Variants in GAREM1 observed in about 807,000 individuals in gnomAD.
The protein encoded by GAREM1 is GRB2-associated and regulator of MAPK protein 1.
Under a neutral mutation model 71.3 loss-of-function variants are expected in GAREM1, and 26 were observed. That is an observed-to-expected ratio of 0.36 (90% CI 0.27 to 0.51). The LOEUF (loss-of-function observed/expected upper bound fraction) is 0.51. Ranked by LOEUF, GAREM1 falls within the 20% of genes least tolerant of loss-of-function variation. The pLI, the probability that GAREM1 is intolerant of heterozygous loss-of-function variation, is 0.95. For synonymous variants in GAREM1, 440 were observed against 433.2 expected (o/e 1.02, Z -0.20); for missense variants, 1,026 against 1,103.1 (o/e 0.93, Z 0.99).
chr18:32,412,418 A>C, intron 1 of GAREM1: 2 of 1,585,124 alleles, frequency 1.3e-6, no homozygotes, highest in Non-Finnish European at 1.7e-6. Flanking sequence ...CACCTCCAAA[A>C]TTGCTTCCAT....
At chr18:32,381,428 T>TA (rs1279772682) in intron 2 of GAREM1, among the ~76,000 whole-genome samples, 3 of 152,230 alleles carry the variant, frequency 2.0e-5, no homozygotes, top group Non-Finnish European at 2.9e-5. Flanking sequence ...AGGTTAATTT[T>TA]AAAAAATGTT....
At chr18:32,401,080 AAAAC>A (rs1445341724) in intron 1 of GAREM1, among the ~76,000 whole-genome samples, 1 of 152,204 alleles carries the variant, frequency 6.6e-6, no homozygotes, top group African/African-American at 2.4e-5. Flanking sequence ...GAAGGACAAA[AAAAC>A]AAACACTGCA....
chr18:32,297,255 A>C (rs1360144494), intron 3 of GAREM1, among the ~76,000 whole-genome samples: 5 of 152,196 alleles, frequency 3.3e-5, no homozygotes, highest in African/African-American at 1.2e-4. Context: ...CTATCAGCTA[A>C]ACTACAAGCT....
intron 2 of GAREM1, among the ~76,000 whole-genome samples, chr18:32,316,020 C>T (rs1207104157): frequency 6.6e-6 from 1 of 152,102 alleles, no homozygotes; most frequent in Non-Finnish European, 1.5e-5. Flanking sequence ...CATATTTTGG[C>T]ATACAGAACA....
Position 32,470,453 on chromosome 18 carries a change from G to T in GAREM1, c.-25C>A. On this transcript the variant is annotated 5_prime_UTR_variant, in exon 1 of 6. Coordinates refer to ENST00000269209, the MANE Select transcript of GAREM1 (RefSeq NM_001242409.2). This position sits in a 1 kb window ranked among gnomAD's most constrained non-coding sequence, Gnocchi z 4.4. ...TCTTCCCCGAAGCCTCCTGTCCCGC[G>T]CTCCCCCGCCGCCGCCACCGGCACC... is the stretch of plus-strand genomic sequence containing the variant. 1 of 1,324,932 alleles carries T rather than the reference G, an allele frequency of 7.5e-7. No homozygotes were observed. Among genetic ancestry groups the T allele is most frequent in the South Asian group, 2.3e-5 (1 of 44,080 alleles). The allele number at this position is 1,324,932 out of a possible 1,614,324, so 82.1% of individuals were successfully genotyped here.
chr18:32,407,642 T>C (rs1248465597), intron 1 of GAREM1, among the ~76,000 whole-genome samples: 1 of 152,196 alleles, frequency 6.6e-6, no homozygotes, highest in African/African-American at 2.4e-5. Flanking sequence ...TTAAAGAGTA[T>C]GTGCCCTTCT....
chr18:32,398,519 T>C (rs1483191561), intron 1 of GAREM1, among the ~76,000 whole-genome samples: 2 of 152,052 alleles, frequency 1.3e-5, no homozygotes, highest in Non-Finnish European at 2.9e-5. Flanking sequence ...CAAACTACCA[T>C]CAGAGAATAC....
At chr18:32,360,807 C>T (rs1037663172) in intron 2 of GAREM1, among the ~76,000 whole-genome samples, 2 of 152,194 alleles carry the variant, frequency 1.3e-5, no homozygotes, top group African/African-American at 2.4e-5. Context: ...CGATCTCACT[C>T]TCCTGTCTGT....
intron 1 of GAREM1, among the ~76,000 whole-genome samples, chr18:32,403,191 A>C (rs1260802173): frequency 1.3e-5 from 2 of 152,162 alleles, no homozygotes; most frequent in East Asian, 3.9e-4. Context: ...TACAGGAGTG[A>C]GCCACTGTGC....
intron 2 of GAREM1, among the ~76,000 whole-genome samples, chr18:32,350,553 A>C (rs974776667): frequency 2.6e-5 from 4 of 151,998 alleles, no homozygotes; most frequent in Admixed American, 6.6e-5. Flanking sequence ...GATATTTCTG[A>C]CTATATATGT....
At chr18:32,434,398 T>TA (rs1325823805) in intron 1 of GAREM1, among the ~76,000 whole-genome samples, 1 of 152,050 alleles carries the variant, frequency 6.6e-6, no homozygotes, top group African/African-American at 2.4e-5. Flanking sequence ...CCCGGATCTT[T>TA]AAAAAAGGAG....
rs1220018134 is a variant in GAREM1, at chr18:32,446,629, T to C, written c.121+23679A>G. Among the ~76,000 whole-genome samples, 3 of 152,182 alleles carry C rather than the reference T, an allele frequency of 2.0e-5. No homozygotes were observed. In the East Asian group the frequency reaches 5.8e-4, roughly 29 times the overall value. On this transcript the variant is annotated intron_variant, in intron 1 of 5. Transcript: ENST00000269209. ...CGTATCTGACTGTGGTTCAAAAGAA[T>C]AACAACTTCCAAAGCAAACAAAAAA...
At chr18:32,286,700 C>T (rs1373488536) in intron 4 of GAREM1, among the ~76,000 whole-genome samples, 1 of 152,140 alleles carries the variant, frequency 6.6e-6, no homozygotes, top group Non-Finnish European at 1.5e-5. Flanking sequence ...AGGGCCTTAC[C>T]ACCTCGCACC....
At chr18:32,355,799 C>T (rs1248083343) in intron 2 of GAREM1, among the ~76,000 whole-genome samples, 22 of 152,064 alleles carry the variant, frequency 1.4e-4, no homozygotes, top group Non-Finnish European at 1.0e-4. Flanking sequence ...AGGTTATAAG[C>T]CCACCAAACC....
At chr18:32,346,643 C>T (rs1324321558) in intron 2 of GAREM1, among the ~76,000 whole-genome samples, 1 of 152,126 alleles carries the variant, frequency 6.6e-6, no homozygotes, top group Non-Finnish European at 1.5e-5. Context: ...TGTTTTTATG[C>T]ATTAATGTTA....
At chr18:32,381,524 G>A (rs921159121) in intron 2 of GAREM1, among the ~76,000 whole-genome samples, 26 of 151,964 alleles carry the variant, frequency 1.7e-4, no homozygotes, top group African/African-American at 4.4e-4. Flanking sequence ...CCTAAGTATC[G>A]TTTTTTTCCT....
intron 1 of GAREM1, among the ~76,000 whole-genome samples, chr18:32,400,707 C>T (rs2048306227): frequency 6.6e-6 from 1 of 152,160 alleles, no homozygotes. Flanking sequence ...GAAATAGGAA[C>T]ACTTTTACAC....
chr18:32,313,032 G>A (rs2144523189), intron 2 of GAREM1, among the ~76,000 whole-genome samples: 1 of 152,298 alleles, frequency 6.6e-6, no homozygotes, highest in South Asian at 2.1e-4. Context: ...TCTTACTTGA[G>A]GTTCATGGTC....
At chr18:32,284,103 T>C (rs1003298620) in intron 4 of GAREM1, among the ~76,000 whole-genome samples, 11 of 152,192 alleles carry the variant, frequency 7.2e-5, no homozygotes, top group African/African-American at 2.7e-4. Context: ...TTTTGAAAAT[T>C]ACAAGCTGAA....
Sources: gnomAD v4.1 joint callset for allele counts (sites outside exome capture counted in the v4.1 genomes callset) on GRCh38, gnomAD v4.1.1 for gene constraint, Gnocchi (gnomAD v3.1) non-coding constraint, MANE v1.5 for transcripts, NCBI Gene and HGNC (gene_info 2026-07-23, HGNC 2026-07-21) for gene names.